SPECC1L: variants seen among roughly 807,000 people sequenced by gnomAD.
The protein encoded by SPECC1L is cytospin-A.
A neutral mutation model predicts 116.8 loss-of-function variants in SPECC1L; 40 were observed. The observed-to-expected ratio is 0.34, with a 90% CI of 0.27 to 0.45. SPECC1L has a LOEUF of 0.45. Ranked by LOEUF, SPECC1L falls within the 20% of genes least tolerant of loss-of-function variation. The pLI is 1.00. For missense variants in SPECC1L, 1,110 were observed against 1,373.6 expected (o/e 0.81, Z 3.03); for synonymous variants, 504 against 500.6 (o/e 1.01, Z -0.09).
intron 11 of SPECC1L, among the ~76,000 whole-genome samples, chr22:24,361,566 C>T (rs34011101): frequency 0.067 from 10,166 of 152,128 alleles, 461 homozygotes; most frequent in Non-Finnish European, 0.1. Flanking sequence ...ACGGGAGAAT[C>T]GCTTGAACCC....
intron 14 of SPECC1L, among the ~76,000 whole-genome samples, chr22:24,396,193 C>T (rs1398267239): frequency 6.6e-6 from 1 of 152,116 alleles, no homozygotes; most frequent in African/African-American, 2.4e-5. Context: ...TCATGAAATA[C>T]ATATTTGACA....
At chr22:24,336,797 G>A (rs895194900) in intron 9 of SPECC1L, among the ~76,000 whole-genome samples, 5 of 152,184 alleles carry the variant, frequency 3.3e-5, no homozygotes, top group Admixed American at 2.0e-4. Context: ...CAAAAGAACT[G>A]AAAATAGATA....
intron 14 of SPECC1L, among the ~76,000 whole-genome samples, chr22:24,390,872 C>CTTTTTTTTTTTTT (rs1016008966): frequency 2.8e-4 from 16 of 57,120 alleles, no homozygotes; most frequent in Admixed American, 5.1e-4. Flanking sequence ...TTTTTCTTTT[C>CTTTTTTTTTTTTT]TTTTTTTTTT....
At chr22:24,330,739 C>G (rs1003561288) in intron 8 of SPECC1L, among the ~76,000 whole-genome samples, 1 of 152,122 alleles carries the variant, frequency 6.6e-6, no homozygotes, top group Non-Finnish European at 1.5e-5. Context: ...AGATTGTAGC[C>G]TCATGATTAA....
chr22:24,304,677 T>C (rs2049453614), intron 3 of SPECC1L, among the ~76,000 whole-genome samples: 1 of 152,382 alleles, frequency 6.6e-6, no homozygotes, highest in Non-Finnish European at 1.5e-5. Flanking sequence ...ATGATAATTT[T>C]TTCTAAAAAT....
At chr22:24,340,094 A>C (rs1159856043) in intron 10 of SPECC1L, among the ~76,000 whole-genome samples, 2 of 150,248 alleles carry the variant, frequency 1.3e-5, no homozygotes, top group Non-Finnish European at 3.0e-5. Flanking sequence ...ATTATGTCGT[A>C]ATTTAAAAAG....
At chr22:24,272,296 C>T (rs1257288257) in intron 1 of SPECC1L, among the ~76,000 whole-genome samples, 2 of 152,064 alleles carry the variant, frequency 1.3e-5, no homozygotes, top group Admixed American at 1.3e-4. Context: ...ACCCGGGAGG[C>T]GGAGGTTGCA....
At chr22:24,276,112 A>G (rs978194627) in intron 1 of SPECC1L, among the ~76,000 whole-genome samples, 2 of 151,994 alleles carry the variant, frequency 1.3e-5, no homozygotes, top group African/African-American at 4.8e-5. Context: ...GGCAGGCTGG[A>G]TGTGGGCATA....
intron 14 of SPECC1L, among the ~76,000 whole-genome samples, chr22:24,390,881 T>TC (rs1569445774): frequency 0.012 from 1,381 of 119,126 alleles, 52 homozygotes; most frequent in South Asian, 0.059. Context: ...TCTTTTTTTT[T>TC]TTTTTTTTTT....
chr22:24,284,423 CTTTTATTTTA>C (rs369988612), intron 2 of SPECC1L, among the ~76,000 whole-genome samples: 42 of 151,928 alleles, frequency 2.8e-4, no homozygotes, highest in East Asian at 1.2e-3. Flanking sequence ...AATAGAGAAT[CTTTTATTTTA>C]TTTTATTTTA....
At position 24,321,403 on chromosome 22, in the gene SPECC1L, A is replaced by G. The variant is rs1414173070; in HGVS notation, c.423A>G (p.Ala141=). The change falls in exon 5 of 17, where the codon GCA becomes GCG. Residue 141 remains alanine (A), a synonymous_variant. Transcript: ENST00000314328. ...RLNQSKKLPS[A]GQGANDMALA... is the part of the protein sequence containing the mutation. ...ACCAGAGCAAAAAACTACCTTCTGCAGGTCAGGGAGCTAATGACATGGCAT... is the reference window on the plus strand; with the variant it reads ...ACCAGAGCAAAAAACTACCTTCTGCGGGTCAGGGAGCTAATGACATGGCAT... 2 of 1,614,268 alleles carry G rather than the reference A, an allele frequency of 1.2e-6. No homozygotes were observed. Among genetic ancestry groups the G allele is most frequent in the Non-Finnish European group, 1.7e-6 (2 of 1,180,042 alleles).
At chr22:24,328,982 C>A in intron 7 of SPECC1L, 63 bp downstream of exon 7, 1 of 1,212,992 alleles carries the variant, frequency 8.2e-7, no homozygotes, top group Middle Eastern at 1.9e-4. Context: ...GAGGTGTAGT[C>A]ATTGACCATG....
At chr22:24,370,271 A>G (rs1170960325) in intron 14 of SPECC1L, among the ~76,000 whole-genome samples, 1 of 152,250 alleles carries the variant, frequency 6.6e-6, no homozygotes, top group African/African-American at 2.4e-5. Flanking sequence ...AGCATATTGC[A>G]GTGGACATAC....
intron 14 of SPECC1L, among the ~76,000 whole-genome samples, chr22:24,400,912 G>A (rs1028198745): frequency 6.6e-6 from 1 of 152,208 alleles, no homozygotes; most frequent in Non-Finnish European, 1.5e-5. Flanking sequence ...CAACTGGGTT[G>A]TCTTTCTGTT....
intron 10 of SPECC1L, among the ~76,000 whole-genome samples, chr22:24,342,097 G>T (rs1185671562): frequency 6.6e-6 from 1 of 152,196 alleles, no homozygotes; most frequent in Non-Finnish European, 1.5e-5. Flanking sequence ...TGCAGCATAG[G>T]TAACTAATAC....
At chr22:24,290,680 G>GT (rs889251424) in intron 2 of SPECC1L, among the ~76,000 whole-genome samples, 2 of 152,158 alleles carry the variant, frequency 1.3e-5, no homozygotes, top group African/African-American at 4.8e-5. Context: ...CACATGTGCA[G>GT]TTTTTTGACA....
chr22:24,292,994 A>C (rs931187876), intron 2 of SPECC1L, among the ~76,000 whole-genome samples: 1 of 152,230 alleles, frequency 6.6e-6, no homozygotes. Context: ...TGAGCTGGGC[A>C]TGGTGGTGTG....
At position 24,313,377 on chromosome 22, in the gene SPECC1L, A is replaced by G; in HGVS notation, c.218A>G (p.Lys73Arg). Residue 73 changes from lysine to arginine, a missense_variant, in exon 4 of 17, where the codon AAA becomes AGA. Coordinates refer to ENST00000314328, the MANE Select transcript of SPECC1L (RefSeq NM_015330.6). Reference sequence around the variant, plus strand: ...GGGGTAACGGTGACTAATGGTGTTAAAGGAAAGAAAAGCACCTGCCCATCT... The same window carrying G: ...GGGGTAACGGTGACTAATGGTGTTAGAGGAAAGAAAAGCACCTGCCCATCT... ...AGGVTVTNGV[K>R]GKKSTCPSAA... 1 of 1,614,210 alleles carries G rather than the reference A, an allele frequency of 6.2e-7. No individual in the cohort carries two copies. The highest frequency in any genetic ancestry group is 1.1e-5 in the South Asian group (1 of 91,082).
At chr22:24,322,949 A>G in intron 5 of SPECC1L, 31 bp downstream of exon 5, 2 of 1,612,666 alleles carry the variant, frequency 1.2e-6, no homozygotes, top group Non-Finnish European at 1.7e-6. Flanking sequence ...AATGTTCCGG[A>G]CAGCATTAGG....
Sources: allele counts gnomAD v4.1 joint callset (sites outside exome capture counted in the v4.1 genomes callset), GRCh38; gene constraint gnomAD v4.1.1; transcripts MANE v1.5; gene names NCBI Gene and HGNC (gene_info 2026-07-23, HGNC 2026-07-21).